Variants in SGCD observed in about 807,000 individuals in gnomAD.
SGCD encodes the protein delta-sarcoglycan.
SGCD carries 18 observed loss-of-function variants against 36.6 expected under a neutral mutation model. That is an observed-to-expected ratio of 0.49 (90% CI 0.34 to 0.73). The LOEUF (loss-of-function observed/expected upper bound fraction) is 0.73. Among genes scored for constraint, SGCD ranks in the 30% least tolerant of loss-of-function variants. SGCD has a pLI of 0.01. For synonymous variants in SGCD, 133 were observed against 130.6 expected (o/e 1.02, Z -0.12); for missense variants, 387 against 346.7 (o/e 1.12, Z -0.92).
chr5:156,343,930 G>T (rs75856831), intron 2 of SGCD, among the ~76,000 whole-genome samples: 4,174 of 152,202 alleles, frequency 0.027, 175 homozygotes, highest in African/African-American at 0.084. Flanking sequence ...AAATCAAGTG[G>T]GGTTCCAGCT....
intron 3 of SGCD, among the ~76,000 whole-genome samples, chr5:156,500,107 A>G (rs1756380613): frequency 1.3e-5 from 2 of 152,166 alleles, no homozygotes; most frequent in Admixed American, 6.5e-5. Context: ...CAACCCCCCA[A>G]TAATTAATTT....
the SGCD span, among the ~76,000 whole-genome samples, chr5:155,782,762 T>G: frequency 6.6e-6 from 1 of 152,148 alleles, no homozygotes; most frequent in African/African-American, 2.4e-5. Flanking sequence ...TGAACCCTAT[T>G]GTGAACTGCG....
At chr5:156,368,887 A>G (rs1251385905) in intron 3 of SGCD, among the ~76,000 whole-genome samples, 2 of 152,244 alleles carry the variant, frequency 1.3e-5, no homozygotes, top group Admixed American at 6.5e-5. Context: ...ATTTCATTAT[A>G]TATTGCAATG....
At chr5:156,751,988 T>C (rs543425675) in intron 7 of SGCD, among the ~76,000 whole-genome samples, 5 of 152,198 alleles carry the variant, frequency 3.3e-5, no homozygotes, top group East Asian at 1.9e-4. Flanking sequence ...ATGTTCATGG[T>C]TGCACCATTT....
At chr5:155,925,848 C>A (rs1049537938) in intron 1 of SGCD, among the ~76,000 whole-genome samples, 1 of 152,086 alleles carries the variant, frequency 6.6e-6, no homozygotes, top group Non-Finnish European at 1.5e-5. Context: ...AACTCCTGGC[C>A]TCAAGTGACC....
At chr5:155,733,013 CG>C in the SGCD span, among the ~76,000 whole-genome samples, 4 of 71,228 alleles carry the variant, frequency 5.6e-5, no homozygotes, top group African/African-American at 1.9e-4. Context: ...TTGTTATACT[CG>C]TTTTTTTTTT....
chr5:156,135,447 A>G (rs1762433907), intron 3 of SGCD, among the ~76,000 whole-genome samples: 1 of 152,182 alleles, frequency 6.6e-6, no homozygotes, highest in East Asian at 1.9e-4. Flanking sequence ...CTGTAGCCTT[A>G]CAGACATCAC....
intron 1 of SGCD, among the ~76,000 whole-genome samples, chr5:156,099,092 C>T (rs1433948361): frequency 1.3e-5 from 2 of 152,202 alleles, no homozygotes; most frequent in Non-Finnish European, 2.9e-5. Context: ...ATCTGCATAG[C>T]CTTCTTCTTT....
intron 7 of SGCD, among the ~76,000 whole-genome samples, chr5:156,689,283 A>G (rs76116514): frequency 0.011 from 1,671 of 152,302 alleles, 28 homozygotes; most frequent in East Asian, 0.046. Flanking sequence ...TGTTGTTTAA[A>G]AAACAGATTG....
intron 1 of SGCD, among the ~76,000 whole-genome samples, chr5:155,988,896 T>G (rs1424482148): frequency 6.6e-6 from 1 of 152,162 alleles, no homozygotes; most frequent in Non-Finnish European, 1.5e-5. Context: ...ACTATTATAG[T>G]TTTTGAAGGA....
intron 3 of SGCD, among the ~76,000 whole-genome samples, chr5:156,155,255 A>G (rs1194483980): frequency 2.0e-5 from 3 of 151,470 alleles, no homozygotes; most frequent in Admixed American, 2.0e-4. Flanking sequence ...GGTCATAGAT[A>G]TTAGACTTTT....
At chr5:156,580,021 C>T (rs537480071) in intron 4 of SGCD, among the ~76,000 whole-genome samples, 1 of 152,280 alleles carries the variant, frequency 6.6e-6, no homozygotes, top group Admixed American at 6.5e-5. Flanking sequence ...ATGGTCTTTA[C>T]AATTTGGCAT....
At chr5:156,272,957 C>A (rs1387576288) in intron 3 of SGCD, among the ~76,000 whole-genome samples, 1 of 152,206 alleles carries the variant, frequency 6.6e-6, no homozygotes, top group Admixed American at 6.6e-5. Flanking sequence ...AGCCAAACGC[C>A]TTTACTATCT....
At chr5:155,813,483 A>G in the SGCD span, among the ~76,000 whole-genome samples, 2 of 152,168 alleles carry the variant, frequency 1.3e-5, no homozygotes, top group African/African-American at 2.4e-5. Flanking sequence ...GCTGATCAGA[A>G]AAACACCCTG....
At chr5:156,100,684 T>C (rs914774656) in intron 1 of SGCD, among the ~76,000 whole-genome samples, 1 of 152,212 alleles carries the variant, frequency 6.6e-6, no homozygotes, top group Non-Finnish European at 1.5e-5. Flanking sequence ...TGGTAAATCA[T>C]TTTTTGACAA....
At chr5:156,018,005 A>T (rs917769950) in intron 1 of SGCD, among the ~76,000 whole-genome samples, 4 of 152,080 alleles carry the variant, frequency 2.6e-5, no homozygotes, top group Non-Finnish European at 5.9e-5. Flanking sequence ...ACAAAAAATA[A>T]AATAATTATC....
At chr5:155,863,182 A>G in the SGCD span, among the ~76,000 whole-genome samples, 22 of 152,164 alleles carry the variant, frequency 1.4e-4, no homozygotes, top group Non-Finnish European at 3.1e-4. Context: ...CTCCCAGGGC[A>G]TGGACGCTCC....
the SGCD span, among the ~76,000 whole-genome samples, chr5:155,763,519 T>A: frequency 6.6e-6 from 1 of 152,124 alleles, no homozygotes; most frequent in East Asian, 1.9e-4. Context: ...GGGTCAGAGT[T>A]TGAGAATGTC....
At chr5:156,532,863 G>T (rs1757943388) in intron 4 of SGCD, among the ~76,000 whole-genome samples, 1 of 152,066 alleles carries the variant, frequency 6.6e-6, no homozygotes, top group African/African-American at 2.4e-5. Context: ...CACCAAGTCT[G>T]CCTATCTTGT....
Sources: allele counts gnomAD v4.1 joint callset (sites outside exome capture counted in the v4.1 genomes callset), GRCh38; gene constraint gnomAD v4.1.1; transcripts MANE v1.5; gene names NCBI Gene and HGNC (gene_info 2026-07-23, HGNC 2026-07-21).